Variants in ZNF565 observed in about 807,000 individuals in gnomAD.
The protein encoded by ZNF565 is zinc finger protein 565.
In ZNF565, 27 loss-of-function variants were observed where a neutral mutation model predicts 39.4. The observed-to-expected ratio is 0.69, with a 90% CI of 0.51 to 0.95. The LOEUF is 0.95. ZNF565 is among the 40% of genes least tolerant of loss of function. The pLI is 0.00. For missense variants in ZNF565, 524 were observed against 621.1 expected (o/e 0.84, Z 1.66); for synonymous variants, 185 against 216.6 (o/e 0.85, Z 1.28).
At chr19:36,224,137 T>C (rs1404212875) in intron 1 of ZNF565, among the ~76,000 whole-genome samples, 1 of 152,204 alleles carries the variant, frequency 6.6e-6, no homozygotes, top group Non-Finnish European at 1.5e-5. Flanking sequence ...ATCCCAGCAC[T>C]TTGCAAGGCC....
chr19:36,194,656 A>G lies in ZNF565; in HGVS notation c.137-328T>C, dbSNP rs904988325. The G allele has an allele frequency of 4.1e-5, 19 of 463,890 alleles. No individual in the cohort carries two copies. In the East Asian group the frequency reaches 7.5e-4, roughly 18 times the overall value. The allele number at this position is 463,890 out of a possible 1,614,324, so 28.7% of individuals were successfully genotyped here. ...TGAACCCCTCCTTCCCCTCCAATCTATTCCTTGATGCTCCTGGCCTTGTTC... is the reference window on the plus strand; with the variant it reads ...TGAACCCCTCCTTCCCCTCCAATCTGTTCCTTGATGCTCCTGGCCTTGTTC... On this transcript the variant is annotated intron_variant, in intron 3 of 4. Coordinates refer to ENST00000304116, the MANE Select transcript of ZNF565 (RefSeq NM_152477.5).
intron 1 of ZNF565, among the ~76,000 whole-genome samples, chr19:36,234,711 G>A (rs1479158684): frequency 6.6e-6 from 1 of 152,132 alleles, no homozygotes; most frequent in Non-Finnish European, 1.5e-5. Flanking sequence ...AGCATCTTTT[G>A]TCTTCAGCTG....
intron 4 of ZNF565, among the ~76,000 whole-genome samples, chr19:36,191,955 G>C (rs1975563168): frequency 6.6e-6 from 1 of 151,782 alleles, no homozygotes; most frequent in Non-Finnish European, 1.5e-5. Context: ...TCACAGGGGA[G>C]AAACAAGACA....
chr19:36,196,484 T>C (rs555025259), intron 2 of ZNF565, among the ~76,000 whole-genome samples: 1 of 152,324 alleles, frequency 6.6e-6, no homozygotes, highest in South Asian at 2.1e-4. Flanking sequence ...TAAGCACAGT[T>C]ATATGACTAG....
At chr19:36,197,125 A>G (rs2145331300) in intron 2 of ZNF565, among the ~76,000 whole-genome samples, 1 of 151,878 alleles carries the variant, frequency 6.6e-6, no homozygotes, top group Middle Eastern at 3.4e-3. Flanking sequence ...ACAAAAAATT[A>G]GCCAGGCGTG....
chr19:36,236,894 G>A (rs1977663376), intron 1 of ZNF565: 2 of 1,613,916 alleles, frequency 1.2e-6, no homozygotes, highest in Non-Finnish European at 1.7e-6. Context: ...AATCCATATT[G>A]GAGAGAAGCC....
At chr19:36,193,665 TCTC>T (rs1271288984) in intron 4 of ZNF565, among the ~76,000 whole-genome samples, 2 of 152,024 alleles carry the variant, frequency 1.3e-5, no homozygotes, top group African/African-American at 4.8e-5. Flanking sequence ...ATGGTCTCGA[TCTC>T]CTCACCTCGT....
chr19:36,242,366 G>A (rs1977815260), intron 1 of ZNF565, among the ~76,000 whole-genome samples: 1 of 151,970 alleles, frequency 6.6e-6, no homozygotes, highest in Non-Finnish European at 1.5e-5. Context: ...GCGAGATCAA[G>A]CTATTGAACT....
chr19:36,228,058 G>A (rs1977152768), intron 1 of ZNF565, among the ~76,000 whole-genome samples: 2 of 151,858 alleles, frequency 1.3e-5, no homozygotes, highest in African/African-American at 2.4e-5. Flanking sequence ...TACTCAGGAG[G>A]CTGAGGCAGG....
Position 36,182,523 on chromosome 19 carries a change from C to T in ZNF565, c.1443G>A (p.Gly481=), listed in dbSNP as rs1224831374. 6.2e-7 allele frequency: 1 copy of T among 1,605,316 alleles called. No homozygotes were observed. The highest frequency in any genetic ancestry group is 1.3e-5 in the African/African-American group (1 of 74,792). ...GTTGTGAGCCAAGAATAAATGCCTG[C>T]CCACACTCTCTACATTCGTAAGGTT... is the stretch of plus-strand genomic sequence containing the variant. ...GIKPYECREC[G]QAFILGSQLI... is the part of the protein sequence containing the mutation. The change falls in exon 5 of 5, where the codon GGG becomes GGA. Residue 481 remains glycine (G), a synonymous_variant. Transcript: ENST00000304116.
chr19:36,191,041 C>T (rs1213641808), intron 4 of ZNF565, among the ~76,000 whole-genome samples: 1 of 147,520 alleles, frequency 6.8e-6, no homozygotes, highest in Non-Finnish European at 1.5e-5. Context: ...CTGTGAAGGG[C>T]CCAATGGTAA....
At chr19:36,215,301 C>T (rs2145379644), upstream of ZNF565, 1 of 152,412 alleles carries the variant, frequency 6.6e-6, no homozygotes. Context: ...GTAAGAGCTT[C>T]TGGCCTACGT....
chr19:36,207,193 T>C (rs1976187138), intron 1 of ZNF565, among the ~76,000 whole-genome samples: 1 of 152,154 alleles, frequency 6.6e-6, no homozygotes. Context: ...ATTTTATTCT[T>C]AAGGAAAACA....
chr19:36,221,284 C>CTTTTTTTTTT (rs74172797), intron 1 of ZNF565, among the ~76,000 whole-genome samples: 3 of 98,700 alleles, frequency 3.0e-5, no homozygotes, highest in African/African-American at 4.2e-5. Context: ...TAAGGGACTG[C>CTTTTTTTTTT]TTTTTTTTTT....
At chr19:36,196,219 T>C (rs895394188) in intron 2 of ZNF565, among the ~76,000 whole-genome samples, 3 of 152,184 alleles carry the variant, frequency 2.0e-5, no homozygotes, top group Admixed American at 2.0e-4. Flanking sequence ...CGTGAGTCAC[T>C]GCACCCAGCC....
rs186277735 is a variant in ZNF565, at chr19:36,233,788, T to C, written c.55+11688A>G. On this transcript the variant is annotated intron_variant, in intron 1 of 4. Coordinates refer to the ZNF565 transcript ENST00000355114. ...TTCCCCTATCTCAGTAGATGGAATA[T>C]ACAATCCAGCTTTACACGGAGACAT... 3.5e-3 allele frequency among the ~76,000 whole-genome samples: 529 copies of C among 152,346 alleles called. 4 individuals are homozygous for C. The highest frequency in any genetic ancestry group is 6.8e-3 in the Middle Eastern group (2 of 294).
intron 2 of ZNF565, 44 bp from the exon 3 acceptor site, chr19:36,195,200 T>C (rs1352368304): frequency 6.4e-7 from 1 of 1,571,244 alleles, no homozygotes. Flanking sequence ...AAGAAACTTT[T>C]TTCATTTATT....
At chr19:36,227,578 C>G (rs1977128898) in intron 1 of ZNF565, among the ~76,000 whole-genome samples, 1 of 151,986 alleles carries the variant, frequency 6.6e-6, no homozygotes, top group South Asian at 2.1e-4. Context: ...AATGGATGAA[C>G]CTGTATTCCA....
chr19:36,218,366 TA>T (rs1976700268), upstream of ZNF565, among the ~76,000 whole-genome samples: 1 of 151,746 alleles, frequency 6.6e-6, no homozygotes, highest in African/African-American at 2.4e-5. Context: ...TAGTACTTTT[TA>T]TTACTAGCTG....
Sources: gnomAD v4.1 joint callset for allele counts (sites outside exome capture counted in the v4.1 genomes callset) on GRCh38, gnomAD v4.1.1 for gene constraint, MANE v1.5 for transcripts, NCBI Gene and HGNC (gene_info 2026-07-23, HGNC 2026-07-21) for gene names.